WWC2: variants seen among roughly 807,000 people sequenced by gnomAD.
WWC2 encodes the protein WW and C2 domain containing 2, also known as protein WWC2.
In WWC2, 101 loss-of-function variants were observed where a neutral mutation model predicts 138.5. That is an observed-to-expected ratio of 0.73 (90% confidence interval 0.62 to 0.86). WWC2 has a LOEUF of 0.86. Among genes scored for constraint, WWC2 ranks in the 40% least tolerant of loss-of-function variants. WWC2 has a pLI of 0.00. For synonymous variants in WWC2, 558 were observed against 538.4 expected (o/e 1.04, Z -0.50); for missense variants, 1,420 against 1,419.4 (o/e 1.00, Z -0.01).
intron 1 of WWC2, among the ~76,000 whole-genome samples, chr4:183,190,931 T>C (rs1183013259): frequency 1.3e-5 from 2 of 152,232 alleles, no homozygotes; most frequent in East Asian, 3.8e-4. Flanking sequence ...AATTGGTGCC[T>C]GGGTAATACT....
intron 21 of WWC2, among the ~76,000 whole-genome samples, chr4:183,290,283 G>A (rs963930711): frequency 1.4e-4 from 21 of 152,244 alleles, no homozygotes; most frequent in Non-Finnish European, 2.6e-4. Flanking sequence ...CTGGGAGGCC[G>A]AGGCGGGTGG....
intron 1 of WWC2, among the ~76,000 whole-genome samples, chr4:183,102,463 A>G (rs1386365500): frequency 6.6e-6 from 1 of 152,234 alleles, no homozygotes; most frequent in Non-Finnish European, 1.5e-5. Flanking sequence ...TACTACTGTC[A>G]TCTTCCAGTT....
At position 183,318,328 on chromosome 4, in the gene WWC2, A is replaced by G. The variant is rs901533146; in HGVS notation, c.*2599A>G. 2 of 152,640 alleles carry G rather than the reference A, an allele frequency of 1.3e-5. No individual in the cohort carries two copies. The highest frequency in any genetic ancestry group is 4.8e-5 in the African/African-American group (2 of 41,458). 9.5% of individuals were successfully genotyped at this position (152,640 alleles called of 1,614,324 possible). Reference sequence around the variant, plus strand: ...TATTGCTTTATCTATATTGTCTTAAATATCAAAAGCTCAGGACTGAACTTA... The same window carrying G: ...TATTGCTTTATCTATATTGTCTTAAGTATCAAAAGCTCAGGACTGAACTTA... On this transcript the variant is annotated 3_prime_UTR_variant, in exon 23 of 23. Transcript: ENST00000403733.
At chr4:183,161,678 T>C (rs1014787348) in intron 1 of WWC2, among the ~76,000 whole-genome samples, 27 of 152,166 alleles carry the variant, frequency 1.8e-4, no homozygotes, top group African/African-American at 6.3e-4. Context: ...ATACTTACCA[T>C]TGCGTTACAG....
intron 1 of WWC2, among the ~76,000 whole-genome samples, chr4:183,174,177 G>A (rs983352673): frequency 6.6e-6 from 1 of 152,184 alleles, no homozygotes; most frequent in African/African-American, 2.4e-5. Flanking sequence ...ACTCCTTTCA[G>A]CAGTCCGAGC....
At chr4:183,171,110 A>G (rs1460329107) in intron 1 of WWC2, among the ~76,000 whole-genome samples, 1 of 152,204 alleles carries the variant, frequency 6.6e-6, no homozygotes, top group African/African-American at 2.4e-5. Flanking sequence ...TACTGTTTAC[A>G]GGGTTCTTAA....
rs56182831 is a variant in WWC2 at position 183,198,789 on chromosome 4, TAAAAAAAAAAAAAAA to T, written c.241+5093_241+5107del. ...GGTAACATATAAGACCTCGTCTCTT[TAAAAAAAAAAAAAAA>T]AAAAAAAAAAAGGTTCCTTTTGTGC... On this transcript the variant is annotated intron_variant, in intron 2 of 22. Transcript: ENST00000403733. Among the ~76,000 whole-genome samples, 5 of 72,330 alleles carry T rather than the reference TAAAAAAAAAAAAAAA, an allele frequency of 6.9e-5. No individual in the cohort carries two copies. The Admixed American group carries it at 1.2e-3, about 17-fold the overall frequency. The allele number at this position is 72,330 out of a possible 152,430, so 47.5% of individuals were successfully genotyped here. A position where few individuals can be genotyped will look rare whatever the true frequency, so the allele number is the denominator to read the frequency against.
Position 183,109,479 on chromosome 4 carries a change from A to T in WWC2, c.131+9857A>T, listed in dbSNP as rs987518781. 2.0e-4 allele frequency among the ~76,000 whole-genome samples: 31 copies of T among 152,202 alleles called. 1 individual carries two copies. The highest frequency in any genetic ancestry group is 1.2e-3 in the Admixed American group (19 of 15,280). ...TTTTTCCACAGAATGGGATTGGAGG[A>T]GTTGCGAGGGATGGTTTCAGGCTGA... On this transcript the variant is annotated intron_variant, in intron 1 of 22. Coordinates refer to ENST00000403733, the MANE Select transcript of WWC2 (RefSeq NM_024949.6).
chr4:183,177,788 C>T (rs1425969550), intron 1 of WWC2, among the ~76,000 whole-genome samples: 1 of 152,122 alleles, frequency 6.6e-6, no homozygotes, highest in Non-Finnish European at 1.5e-5. Context: ...TACAGGTGCA[C>T]CGAGATTGAT....
intron 1 of WWC2, among the ~76,000 whole-genome samples, chr4:183,155,222 G>GAGAGAGAGAGAGTGAGTT (rs1554067869): frequency 4.2e-3 from 10 of 2,370 alleles, no homozygotes; most frequent in African/African-American, 4.7e-3. Context: ...GAGAGAGAGA[G>GAGAGAGAGAGAGTGAGTT]AGTTAGTTGA....
At chr4:183,102,352 G>A (rs937353713) in intron 1 of WWC2, among the ~76,000 whole-genome samples, 2 of 152,168 alleles carry the variant, frequency 1.3e-5, no homozygotes, top group Admixed American at 6.5e-5. Context: ...AGAAATACTA[G>A]CATGGACAGT....
intron 1 of WWC2, among the ~76,000 whole-genome samples, chr4:183,169,263 A>C (rs1313845984): frequency 6.6e-6 from 1 of 152,228 alleles, no homozygotes; most frequent in Non-Finnish European, 1.5e-5. Flanking sequence ...AATTTTGCTT[A>C]ATCATTATTG....
intron 5 of WWC2, among the ~76,000 whole-genome samples, chr4:183,240,812 A>C (rs1422185655): frequency 6.6e-6 from 1 of 152,130 alleles, no homozygotes; most frequent in Non-Finnish European, 1.5e-5. Context: ...TGGTTCCTCT[A>C]CCTTTCCCGT....
intron 6 of WWC2, among the ~76,000 whole-genome samples, chr4:183,247,772 ATACTATATATATAT>A (rs1168227155): frequency 4.6e-4 from 63 of 137,014 alleles, no homozygotes; most frequent in African/African-American, 1.6e-3. Context: ...TATAATATAT[ATACTATATATATAT>A]TATATATATA....
At position 183,208,057 on chromosome 4, in the gene WWC2, G is replaced by A. The variant is rs1735493118; in HGVS notation, c.346G>A (p.Glu116Lys). Residue 116 changes from glutamate to lysine, a missense_variant, in exon 3 of 23, where the codon GAA becomes AAA. Transcript: ENST00000403733. ...VAQDALRTQK[E>K]LYHVKEQRLA... The stretch of plus-strand genomic sequence containing the variant: ...ACAGGATGCCCTCCGGACACAGAAG[G>A]AACTGTACCATGTGAAGGAGCAGAG... 4.3e-6 allele frequency: 7 copies of A among 1,613,798 alleles called. No homozygotes were observed. In the African/African-American group the frequency reaches 8.0e-5, roughly 18 times the overall value.
chr4:183,142,749 C>T (rs893452299), intron 1 of WWC2, among the ~76,000 whole-genome samples: 22 of 152,342 alleles, frequency 1.4e-4, no homozygotes, highest in Non-Finnish European at 3.2e-4. Flanking sequence ...AAGCCCTGGA[C>T]TAGAGCCATG....
intron 9 of WWC2, among the ~76,000 whole-genome samples, chr4:183,258,921 T>C (rs1737235642): frequency 1.3e-5 from 2 of 152,194 alleles, no homozygotes; most frequent in Admixed American, 1.3e-4. Context: ...TGGTATATTT[T>C]AAAATGACTT....
intron 22 of WWC2, among the ~76,000 whole-genome samples, chr4:183,313,987 A>G (rs1352942125): frequency 6.6e-6 from 1 of 151,868 alleles, no homozygotes; most frequent in Non-Finnish European, 1.5e-5. Flanking sequence ...CATAAAGGGG[A>G]GAAGCCCAGA....
chr4:183,176,044 T>G (rs1457602918), intron 1 of WWC2, among the ~76,000 whole-genome samples: 1 of 152,256 alleles, frequency 6.6e-6, no homozygotes, highest in Non-Finnish European at 1.5e-5. Flanking sequence ...CATGCATTTT[T>G]GTTTATGAAT....
Sources: gnomAD v4.1 joint callset for allele counts (sites outside exome capture counted in the v4.1 genomes callset) on GRCh38, gnomAD v4.1.1 for gene constraint, MANE v1.5 for transcripts, NCBI Gene and HGNC (gene_info 2026-07-23, HGNC 2026-07-21) for gene names.